Variants in CDH10 observed in about 807,000 individuals in gnomAD.
CDH10 encodes the protein cadherin 10, also known as cadherin-10.
Under a neutral mutation model 73.1 loss-of-function variants are expected in CDH10, and 30 were observed. The observed-to-expected ratio is 0.41, with a 90% confidence interval of 0.31 to 0.56. The LOEUF (loss-of-function observed/expected upper bound fraction) is 0.56. Ranked by LOEUF, CDH10 falls within the 20% of genes least tolerant of loss-of-function variation. CDH10 has a pLI of 0.27. For synonymous variants in CDH10, 345 were observed against 348.2 expected, an observed-to-expected ratio of 0.99 and a Z score of 0.10; for missense variants, 815 against 973.7, an observed-to-expected ratio of 0.84 and a Z score of 2.17.
In CDH10 at chr5:24,628,489, G is replaced by T. The variant is rs148411983; in HGVS notation, c.-124+16105C>A. ...GTTTAATTCCATTGCCACCCCTCAG[G>T]TCGGCTTATCTGAAAGAAAAGCTTC... On this transcript the variant is annotated intron_variant, in intron 1 of 11. Coordinates refer to ENST00000264463, the MANE Select transcript of CDH10 (RefSeq NM_006727.5). 6.1e-4 allele frequency among the ~76,000 whole-genome samples: 93 copies of T among 152,160 alleles called. 1 individual carries two copies. Among genetic ancestry groups the T allele is most frequent in the African/African-American group, 2.2e-3 (93 of 41,532 alleles).
At chr5:24,545,561 T>A (rs565945680) in intron 2 of CDH10, among the ~76,000 whole-genome samples, 1 of 152,196 alleles carries the variant, frequency 6.6e-6, no homozygotes, top group East Asian at 1.9e-4. Context: ...ATACCTATAA[T>A]CTCGGTGCTT....
chr5:24,518,871 T>C (rs1743205735), intron 5 of CDH10, among the ~76,000 whole-genome samples: 1 of 128,128 alleles, frequency 7.8e-6, no homozygotes. Context: ...ATTTTGATTT[T>C]TTGACATGTG....
chr5:24,563,595 T>TAAA (rs1267665246), intron 2 of CDH10, among the ~76,000 whole-genome samples: 4 of 12,364 alleles, frequency 3.2e-4, no homozygotes, highest in Non-Finnish European at 5.7e-4. Context: ...CTACTAAAAA[T>TAAA]ACAAAAAAAA....
intron 1 of CDH10, among the ~76,000 whole-genome samples, chr5:24,607,897 T>C (rs1002693303): frequency 5.9e-5 from 9 of 152,318 alleles, no homozygotes; most frequent in African/African-American, 2.2e-4. Context: ...TAACTAAGTA[T>C]TGCTATATAG....
rs1743135816 is a variant in CDH10 at position 24,517,050 on chromosome 5, A to T, written c.815-5536T>A. ...ACATGTTAATTGACTTTCATTTTAG[A>T]AATCAACATATCTGCATCCTTGAAA... On this transcript the variant is annotated intron_variant, in intron 5 of 11. Transcript: ENST00000264463. Among the ~76,000 whole-genome samples the T allele has an allele frequency of 2.0e-5, 3 of 152,124 alleles. No individual in the cohort carries two copies. The South Asian group carries it at 6.2e-4, about 31-fold the overall frequency.
At chr5:24,575,285 C>A (rs1266812264) in intron 2 of CDH10, among the ~76,000 whole-genome samples, 1 of 149,204 alleles carries the variant, frequency 6.7e-6, no homozygotes, top group Non-Finnish European at 1.5e-5. Flanking sequence ...TCGCTTGAAC[C>A]CGGGAGGCAG....
intron 2 of CDH10, among the ~76,000 whole-genome samples, chr5:24,586,949 A>C (rs912618048): frequency 7.1e-6 from 1 of 140,330 alleles, no homozygotes; most frequent in Non-Finnish European, 1.5e-5. Context: ...GGTTCACGCC[A>C]TTCTCCTGCT....
intron 2 of CDH10, among the ~76,000 whole-genome samples, chr5:24,570,064 CCAA>C (rs1745316509): frequency 6.6e-6 from 1 of 152,022 alleles, no homozygotes; most frequent in African/African-American, 2.4e-5. Context: ...CTGCGCCCGG[CCAA>C]CAAGTGTGTG....
chr5:24,489,593 T>G (rs1319450505), intron 11 of CDH10, among the ~76,000 whole-genome samples: 1 of 152,168 alleles, frequency 6.6e-6, no homozygotes, highest in African/African-American at 2.4e-5. Flanking sequence ...TAATGACAAC[T>G]TATTACAATT....
chr5:24,516,271 T>G, intron 5 of CDH10, among the ~76,000 whole-genome samples: 1 of 117,974 alleles, frequency 8.5e-6, no homozygotes, highest in Non-Finnish European at 2.0e-5. Flanking sequence ...TTAGGACTGA[T>G]GATTTTAAGT....
At position 24,509,825 on chromosome 5, in the gene CDH10, T is replaced by A; in HGVS notation, c.1003-6A>T. On this transcript the variant is annotated splice_region_variant and splice_polypyrimidine_tract_variant and intron_variant, in intron 6 of 11. Coordinates refer to ENST00000264463, the MANE Select transcript of CDH10 (RefSeq NM_006727.5). ...CGGCTCTCATAGTCGAGTGGCTGTA[T>A]AAAAAAATAAATCATCAAATTAGAG... 6.3e-7 allele frequency: 1 copy of A among 1,593,430 alleles called. No individual in the cohort carries two copies. The highest frequency in any genetic ancestry group is 8.5e-7 in the Non-Finnish European group (1 of 1,170,540).
At chr5:24,520,501 C>T (rs188077717) in intron 5 of CDH10, among the ~76,000 whole-genome samples, 1 of 152,244 alleles carries the variant, frequency 6.6e-6, no homozygotes, top group Admixed American at 6.5e-5. Context: ...TACACCTCCC[C>T]AACTCCGTCC....
At chr5:24,574,354 G>C (rs1030003890) in intron 2 of CDH10, among the ~76,000 whole-genome samples, 1 of 152,092 alleles carries the variant, frequency 6.6e-6, no homozygotes, top group African/African-American at 2.4e-5. Flanking sequence ...ATACTTAAAT[G>C]TGTAGTTGCA....
chr5:24,640,918 G>A (rs1748030911), intron 1 of CDH10, among the ~76,000 whole-genome samples: 1 of 151,864 alleles, frequency 6.6e-6, no homozygotes, highest in African/African-American at 2.4e-5. Context: ...ACTTTTTTGT[G>A]AGAAGTTGCA....
chr5:24,575,300 T>G (rs1745557731), intron 2 of CDH10, among the ~76,000 whole-genome samples: 1 of 142,894 alleles, frequency 7.0e-6, no homozygotes, highest in African/African-American at 2.6e-5. Flanking sequence ...AGGCAGAGGT[T>G]GCAGCGAGCT....
At chr5:24,625,300 C>T (rs911567163) in intron 1 of CDH10, among the ~76,000 whole-genome samples, 6 of 151,982 alleles carry the variant, frequency 3.9e-5, no homozygotes, top group African/African-American at 9.6e-5. Context: ...ATTGGAAGTG[C>T]CTGAGTTTGA....
At chr5:24,564,254 A>C (rs1215861473) in intron 2 of CDH10, among the ~76,000 whole-genome samples, 1 of 152,210 alleles carries the variant, frequency 6.6e-6, no homozygotes, top group Non-Finnish European at 1.5e-5. Context: ...TGTTGTTGAG[A>C]TAGCTCTTAA....
chr5:24,609,264 A>AT (rs1394851376), intron 1 of CDH10, among the ~76,000 whole-genome samples: 1 of 152,074 alleles, frequency 6.6e-6, no homozygotes, highest in East Asian at 1.9e-4. Context: ...GTCCTGGTTG[A>AT]TTTTTTCCCC....
chr5:24,603,510 T>C (rs1157795115), intron 1 of CDH10, among the ~76,000 whole-genome samples: 3 of 152,220 alleles, frequency 2.0e-5, no homozygotes, highest in South Asian at 4.1e-4. Context: ...AGTATAATGT[T>C]GGCTCAACAT....
Sources: allele counts gnomAD v4.1 joint callset (sites outside exome capture counted in the v4.1 genomes callset), GRCh38; gene constraint gnomAD v4.1.1; transcripts MANE v1.5; gene names NCBI Gene and HGNC (gene_info 2026-07-23, HGNC 2026-07-21).